Variants in SMYD4 observed in about 807,000 individuals in gnomAD.
The protein encoded by SMYD4 is SET and MYND domain containing 4.
A neutral mutation model predicts 72.8 loss-of-function variants in SMYD4; 68 were observed. The observed-to-expected ratio is 0.93, with a 90% CI of 0.77 to 1.14. The LOEUF is 1.14. Ranked by LOEUF, SMYD4 falls within the 50% of genes most tolerant of loss-of-function variation. SMYD4 has a pLI of 0.00. For missense variants in SMYD4, 984 were observed against 1,003.7 expected (o/e 0.98, Z 0.27); for synonymous variants, 407 against 388.6 (o/e 1.05, Z -0.56).
chr17:1,823,393 CAAAAAAAAA>C (rs57044082), intron 2 of SMYD4, among the ~76,000 whole-genome samples: 4 of 65,586 alleles, frequency 6.1e-5, no homozygotes, highest in East Asian at 5.9e-4. Context: ...GACTCCGTCT[CAAAAAAAAA>C]AAAAAAAAAA....
rs554114263 is a variant in SMYD4, at chr17:1,808,011, G to A, written c.280-3296C>T. On this transcript the variant is annotated intron_variant, in intron 3 of 10. Transcript: ENST00000305513. ...CAACCAGTACTGCTTGGGATATGGA[G>A]AAATTAATATCCCCATAGTCTGCCA... Among the ~76,000 whole-genome samples the A allele has an allele frequency of 5.9e-5, 9 of 152,226 alleles. No individual in the cohort carries two copies. The South Asian group carries it at 1.9e-3, about 32-fold the overall frequency.
At chr17:1,799,312 T>G (rs901701538) in intron 5 of SMYD4, among the ~76,000 whole-genome samples, 1 of 151,780 alleles carries the variant, frequency 6.6e-6, no homozygotes, top group Non-Finnish European at 1.5e-5. Flanking sequence ...CTCTGTAAAG[T>G]TAGCTGGGAT....
At chr17:1,816,954 T>C (rs1329852947) in intron 2 of SMYD4, among the ~76,000 whole-genome samples, 1 of 152,166 alleles carries the variant, frequency 6.6e-6, no homozygotes, top group Non-Finnish European at 1.5e-5. Flanking sequence ...ATTTCGGATA[T>C]TAATTTCTTA....
chr17:1,820,328 A>G (rs969781689), intron 2 of SMYD4, among the ~76,000 whole-genome samples: 2 of 151,382 alleles, frequency 1.3e-5, no homozygotes, highest in Admixed American at 6.6e-5. Context: ...CAGCCTCGAC[A>G]TCCTGGGCTC....
At chr17:1,782,948 T>C in intron 10 of SMYD4, 87 bp downstream of exon 10, 1 of 1,537,476 alleles carries the variant, frequency 6.5e-7, no homozygotes, top group Non-Finnish European at 8.7e-7. Flanking sequence ...TCAACATGCT[T>C]TTAAAAACAC....
chr17:1,823,491 G>A (rs961786169), intron 2 of SMYD4, among the ~76,000 whole-genome samples: 2 of 150,244 alleles, frequency 1.3e-5, no homozygotes, highest in South Asian at 2.1e-4. Context: ...TCTGGAATAC[G>A]AACAATGACT....
At chr17:1,797,917 G>A (rs1475623085) in intron 5 of SMYD4, among the ~76,000 whole-genome samples, 6 of 151,800 alleles carry the variant, frequency 4.0e-5, no homozygotes, top group African/African-American at 9.7e-5. Flanking sequence ...CAGGAGAATC[G>A]CTTGAACCTG....
chr17:1,789,764 CAAAA>C (rs60740904), intron 5 of SMYD4, among the ~76,000 whole-genome samples: 2 of 90,098 alleles, frequency 2.2e-5, no homozygotes, highest in Non-Finnish European at 4.8e-5. Flanking sequence ...GACTCTGTCT[CAAAA>C]AAAAAAAAAA....
rs757096428 is a variant in SMYD4, at chr17:1,800,629, TGGG to T, written c.762_764del (p.Pro255del). 2 of 1,614,182 alleles carry T rather than the reference TGGG, an allele frequency of 1.2e-6. No individual in the cohort carries two copies. The highest frequency in any genetic ancestry group is 1.7e-6 in the Non-Finnish European group (2 of 1,180,020). Reference sequence around the variant, plus strand: ...CATCCTCCTGCACCAGGAGCTCTCCTGGGAGAATATCTTTTGTGGCAACGAGAC... The same window carrying T: ...CATCCTCCTGCACCAGGAGCTCTCCTAGAATATCTTTTGTGGCAACGAGAC... On this transcript the variant is annotated inframe_deletion, in exon 5 of 11. Coordinates refer to ENST00000305513, the MANE Select transcript of SMYD4 (RefSeq NM_052928.3).
In SMYD4 at chr17:1,783,399, C is replaced by T. The variant is rs773239244; in HGVS notation, c.2098G>A (p.Glu700Lys). Residue 700 changes from glutamate to lysine, a missense_variant, in exon 9 of 11, where the codon GAG becomes AAG. Glu to Lys is a moderately conservative substitution (Grantham distance 56). Transcript: ENST00000305513. ...GCCCGGGCCAGGCCATCCGCGATCT[C>T]TCCCACCACGGCGTGCTCTGCCCAC... Reference protein sequence around the residue: ...FLWAEHAVVGEIADGLARACA... With the variant: ...FLWAEHAVVGKIADGLARACA... The T allele has an allele frequency of 6.2e-7, 1 of 1,612,770 alleles. No homozygotes were observed. The highest frequency in any genetic ancestry group is 8.5e-7 in the Non-Finnish European group (1 of 1,180,036).
intron 5 of SMYD4, among the ~76,000 whole-genome samples, chr17:1,788,514 G>C (rs1908826837): frequency 6.8e-6 from 1 of 147,532 alleles, no homozygotes; most frequent in African/African-American, 2.7e-5. Context: ...GGGAGGCCGA[G>C]GCGGGCAGAT....
At position 1,788,566 on chromosome 17, in the gene SMYD4, A is replaced by G. The variant is rs201069110; in HGVS notation, c.1538-962T>C. Among the ~76,000 whole-genome samples the G allele has an allele frequency of 1.3e-4, 20 of 151,560 alleles. No individual in the cohort carries two copies. The East Asian group carries it at 3.9e-3, about 30-fold the overall frequency. On this transcript the variant is annotated intron_variant, in intron 5 of 10. Transcript: ENST00000305513. Reference sequence around the variant, plus strand: ...CGAGACCATCCTGACTAACACGGTGAAATCCCGTCTCTACTAAAAACACAA... The same window carrying G: ...CGAGACCATCCTGACTAACACGGTGGAATCCCGTCTCTACTAAAAACACAA...
At chr17:1,783,918 A>T in intron 8 of SMYD4, 3 of 288,890 alleles carry the variant, frequency 1.0e-5, no homozygotes, top group Non-Finnish European at 2.0e-5. Context: ...AGCTGGGCTC[A>T]CGCCCCACTG....
chr17:1,826,858 A>G (rs1911205691), intron 2 of SMYD4, among the ~76,000 whole-genome samples: 1 of 152,136 alleles, frequency 6.6e-6, no homozygotes, highest in Non-Finnish European at 1.5e-5. Flanking sequence ...TTGTCTATAG[A>G]AAGACAAACA....
intron 2 of SMYD4, among the ~76,000 whole-genome samples, chr17:1,824,268 A>G (rs995767210): frequency 9.9e-5 from 15 of 152,140 alleles, no homozygotes; most frequent in African/African-American, 3.4e-4. Flanking sequence ...GCTTGAACCC[A>G]CGAGGCACAA....
intron 3 of SMYD4, among the ~76,000 whole-genome samples, chr17:1,810,160 T>C (rs761149134): frequency 1.2e-4 from 19 of 152,122 alleles, no homozygotes; most frequent in Non-Finnish European, 2.4e-4. Context: ...AAAAATGGCA[T>C]GTAGTTCAAC....
chr17:1,796,086 T>G (rs1229059623), intron 5 of SMYD4, among the ~76,000 whole-genome samples: 1 of 152,124 alleles, frequency 6.6e-6, no homozygotes, highest in Non-Finnish European at 1.5e-5. Flanking sequence ...AGTATTACGA[T>G]ATGTATCTAT....
chr17:1,792,316 G>C (rs549069691), intron 5 of SMYD4, among the ~76,000 whole-genome samples: 75 of 151,976 alleles, frequency 4.9e-4, no homozygotes, highest in African/African-American at 1.7e-3. Context: ...TGAGATTACA[G>C]GCTTGAGCCA....
intron 5 of SMYD4, among the ~76,000 whole-genome samples, chr17:1,794,276 A>AT (rs57986348): frequency 0.018 from 2,306 of 128,378 alleles, 81 homozygotes; most frequent in African/African-American, 0.058. Flanking sequence ...CACCAGGCTA[A>AT]TTTTTTTTTT....
Sources: allele counts gnomAD v4.1 joint callset (sites outside exome capture counted in the v4.1 genomes callset), GRCh38; gene constraint gnomAD v4.1.1; transcripts MANE v1.5; gene names NCBI Gene and HGNC (gene_info 2026-07-23, HGNC 2026-07-21).